PIGH: variants seen among roughly 807,000 people sequenced by gnomAD.
PIGH encodes the protein phosphatidylinositol glycan anchor biosynthesis class H.
A neutral mutation model predicts 20.1 loss-of-function variants in PIGH; 11 were observed. The observed-to-expected ratio is 0.55, with a 90% CI of 0.34 to 0.91. The LOEUF (loss-of-function observed/expected upper bound fraction) is 0.91. PIGH is among the 40% of genes least tolerant of loss of function. The probability of loss-of-function intolerance (pLI) is 0.02; values close to 1 mark genes in which losing one functional copy is unlikely to be tolerated. For missense variants in PIGH, 189 were observed against 233.6 expected, an observed-to-expected ratio of 0.81 and a Z score of 1.24; for synonymous variants, 72 against 93.1, an observed-to-expected ratio of 0.77 and a Z score of 1.31.
intron 1 of PIGH, 26 bp downstream of exon 1, chr14:67,599,998 G>A (rs766510372): frequency 2.6e-6 from 4 of 1,531,716 alleles, no homozygotes; most frequent in Non-Finnish European, 2.6e-6. Context: ...TCCTTCGAGC[G>A]CGGGGAGGGG....
At chr14:67,591,627 G>A (rs1646230198) in intron 3 of PIGH, among the ~76,000 whole-genome samples, 1 of 152,100 alleles carries the variant, frequency 6.6e-6, no homozygotes, top group Admixed American at 6.5e-5. Context: ...GACCTCCTGG[G>A]CTCAAGCAAT....
At chr14:67,595,574 ATGTGACACAACTCTGGCCAATGAAATG>A (rs2036458422) in intron 1 of PIGH, among the ~76,000 whole-genome samples, 1 of 152,234 alleles carries the variant, frequency 6.6e-6, no homozygotes, top group African/African-American at 2.4e-5. Flanking sequence ...AAAAATTGGC[ATGTGACACAACTCTGGCCAATGAAATG>A]TGAGGGGAGA....
intron 3 of PIGH, 60 bp from the exon 4 acceptor site, chr14:67,590,232 G>C: frequency 7.5e-7 from 1 of 1,335,400 alleles, no homozygotes; most frequent in South Asian, 1.5e-5. Flanking sequence ...GTGCAGTGGT[G>C]CTGCATCCAC....
intron 1 of PIGH, among the ~76,000 whole-genome samples, chr14:67,594,994 G>A (rs1259326719): frequency 2.6e-5 from 4 of 151,986 alleles, no homozygotes; most frequent in Non-Finnish European, 5.9e-5. Flanking sequence ...AAAGTTAGCC[G>A]GGCGTAGTGG....
intron 3 of PIGH, among the ~76,000 whole-genome samples, chr14:67,590,585 C>T (rs1052237071): frequency 7.9e-5 from 12 of 152,178 alleles, no homozygotes; most frequent in Admixed American, 6.5e-4. Flanking sequence ...TCTTGAACTC[C>T]TGGCCTTAAG....
chr14:67,598,957 G>T (rs1566781647), intron 1 of PIGH, among the ~76,000 whole-genome samples: 2 of 151,922 alleles, frequency 1.3e-5, no homozygotes, highest in African/African-American at 4.8e-5. Context: ...TGATCCGCCC[G>T]CCTCAGCTTC....
At chr14:67,592,419 C>A (rs2036390011) in intron 3 of PIGH, 3 of 513,972 alleles carry the variant, frequency 5.8e-6, no homozygotes, top group African/African-American at 3.9e-5. Flanking sequence ...GCCTAGGTGA[C>A]AAAGTGAGAC....
chr14:67,600,231 C>T lies in PIGH; in HGVS notation c.-28G>A, dbSNP rs1288371562. ...CGCCCCCACTCGGCCGCCCGCACCG[C>T]GCGGCGCTGCACTGCGCTCGCCGGC... On this transcript the variant is annotated 5_prime_UTR_variant, in exon 1 of 4. Transcript: ENST00000216452. 4.6e-6 allele frequency: 7 copies of T among 1,536,652 alleles called. No homozygotes were observed. The highest frequency in any genetic ancestry group is 6.1e-6 in the Non-Finnish European group (7 of 1,142,334).
At position 67,600,127 on chromosome 14, in the gene PIGH, C is replaced by T; in HGVS notation, c.77G>A (p.Cys26Tyr). The stretch of plus-strand genomic sequence containing the variant: ...AGGGCAGCTGAGGCAGAATTCCCGG[C>T]AGGACGGGGAGTAGTAGCGGCGCTG... ...ALQRRYYSPS[C>Y]REFCLSCPRL... Residue 26 changes from cysteine (C) to tyrosine (Y), a missense_variant, in exon 1 of 4, where the codon TGC (cysteine) becomes TAC (tyrosine). Coordinates refer to ENST00000216452, the MANE Select transcript of PIGH (RefSeq NM_004569.5). The T allele has an allele frequency of 6.3e-7, 1 of 1,596,384 alleles. No homozygotes were observed. The highest frequency in any genetic ancestry group is 1.7e-5 in the Admixed American group (1 of 57,812).
chr14:67,600,125 G>A lies in PIGH; in HGVS notation c.79C>T (p.Arg27Trp), dbSNP rs373060937. The A allele has an allele frequency of 2.5e-6, 4 of 1,596,074 alleles. No individual in the cohort carries two copies. In the East Asian group the frequency reaches 6.8e-5, roughly 27 times the overall value. ...LQRRYYSPSC[R>W]EFCLSCPRLS... is the part of the protein sequence containing the mutation. ...CGAGGGCAGCTGAGGCAGAATTCCC[G>A]GCAGGACGGGGAGTAGTAGCGGCGC... Residue 27 changes from arginine (R) to tryptophan (W), a missense_variant, in exon 1 of 4, where the codon CGG becomes TGG. Coordinates refer to ENST00000216452, the MANE Select transcript of PIGH (RefSeq NM_004569.5).
At position 67,592,784 on chromosome 14, in the gene PIGH, T is replaced by C. The variant is rs532462403; in HGVS notation, c.391-66A>G. ...TCATTTTGCATTCTTTTTTTCTTTTTCCTTTATTTATTTATTTTTGAGACA... is the reference window on the plus strand; with the variant it reads ...TCATTTTGCATTCTTTTTTTCTTTTCCCTTTATTTATTTATTTTTGAGACA... On this transcript the variant is annotated intron_variant, in intron 2 of 3. Transcript: ENST00000216452. 1.2e-5 allele frequency: 12 copies of C among 1,018,660 alleles called. No homozygotes were observed. In the East Asian group the frequency reaches 2.5e-4, roughly 21 times the overall value. 63.1% of individuals were successfully genotyped at this position (1,018,660 alleles called of 1,614,324 possible).
chr14:67,595,205 C>T (rs2140629294), intron 1 of PIGH, among the ~76,000 whole-genome samples: 1 of 152,276 alleles, frequency 6.6e-6, no homozygotes, highest in Non-Finnish European at 1.5e-5. Context: ...AATCATGTAA[C>T]ATAAAATCTG....
At chr14:67,598,043 AT>A (rs1435584928) in intron 1 of PIGH, among the ~76,000 whole-genome samples, 2 of 152,176 alleles carry the variant, frequency 1.3e-5, no homozygotes, top group African/African-American at 4.8e-5. Context: ...TACTATCTGC[AT>A]TTTTTTCAAC....
At chr14:67,599,715 C>T (rs764989776) in intron 1 of PIGH, among the ~76,000 whole-genome samples, 1 of 152,146 alleles carries the variant, frequency 6.6e-6, no homozygotes, top group Non-Finnish European at 1.5e-5. Context: ...GCCTATACTA[C>T]ATAGAACACA....
chr14:67,592,409 G>C (rs1360170294), intron 3 of PIGH: 10 of 504,776 alleles, frequency 2.0e-5, no homozygotes, highest in Non-Finnish European at 3.6e-5. Flanking sequence ...CTGCACTCCA[G>C]CCTAGGTGAC....
intron 2 of PIGH, chr14:67,593,490 CAAA>C (rs5809356): frequency 2.8e-3 from 903 of 326,160 alleles, no homozygotes; most frequent in Middle Eastern, 3.9e-3. Flanking sequence ...GACCCTGTCT[CAAA>C]AAAAAAAAAA....
At position 67,589,664 on chromosome 14, in the gene PIGH, G is replaced by C. The variant is rs1205494890; in HGVS notation, c.*416C>G. On this transcript the variant is annotated 3_prime_UTR_variant, in exon 4 of 4. Coordinates refer to ENST00000216452, the MANE Select transcript of PIGH (RefSeq NM_004569.5). The stretch of plus-strand genomic sequence containing the variant: ...CCTGCTAACCAGTACTGAAGGGCTT[G>C]TTTTTTTCGTAACTTTACACAAGGG... 3.0e-6 allele frequency: 3 copies of C among 990,162 alleles called. No homozygotes were observed. The East Asian group carries it at 3.3e-4, about 110-fold the overall frequency. 61.3% of individuals were successfully genotyped at this position (990,162 alleles called of 1,614,324 possible).
At chr14:67,590,481 C>T (rs572579264) in intron 3 of PIGH, among the ~76,000 whole-genome samples, 53 of 152,234 alleles carry the variant, frequency 3.5e-4, no homozygotes, top group South Asian at 1.0e-3. Flanking sequence ...GCCTCAGCCT[C>T]CCAAGTAGCT....
chr14:67,593,861 AAC>A lies in PIGH; in HGVS notation c.270_271del (p.Leu91AsnfsTer3). ...CTGAATGCCAAGGGAATCAATGATT[AAC>A]AGAGTCTCCTGATCAATCTTCACAA... On this transcript the variant is annotated frameshift_variant, in exon 2 of 4. Coordinates refer to ENST00000216452, the MANE Select transcript of PIGH (RefSeq NM_004569.5). LOFTEE classifies it high-confidence loss of function. 6.2e-7 allele frequency: 1 copy of A among 1,612,534 alleles called. No individual in the cohort carries two copies. The highest frequency in any genetic ancestry group is 1.7e-5 in the Admixed American group (1 of 60,006).
Sources: gnomAD v4.1 joint callset for allele counts (sites outside exome capture counted in the v4.1 genomes callset) on GRCh38, gnomAD v4.1.1 for gene constraint, MANE v1.5 for transcripts, NCBI Gene and HGNC (gene_info 2026-07-23, HGNC 2026-07-21) for gene names.